The following CLSTN2 variants were observed in gnomAD, a reference collection of about 807,000 sequenced individuals.
CLSTN2 encodes calsyntenin-2.
In CLSTN2, 48 loss-of-function variants were observed where a neutral mutation model predicts 101.2. That is an observed-to-expected ratio of 0.47 (90% CI 0.38 to 0.60). The LOEUF is 0.60. CLSTN2 is among the 20% of genes least tolerant of loss of function. The pLI, the probability that CLSTN2 is intolerant of heterozygous loss-of-function variation, is 0.00. For missense variants in CLSTN2, 1,160 were observed against 1,238.2 expected (o/e 0.94, Z 0.95); for synonymous variants, 481 against 463.6 (o/e 1.04, Z -0.48).
chr3:140,084,396 A>G (rs940862277), intron 1 of CLSTN2, among the ~76,000 whole-genome samples: 5 of 152,068 alleles, frequency 3.3e-5, no homozygotes, highest in African/African-American at 1.2e-4. Context: ...AAAGACCTTA[A>G]CCCCCTGTAT....
At chr3:140,044,959 G>T (rs372271400) in intron 1 of CLSTN2, among the ~76,000 whole-genome samples, 1 of 152,216 alleles carries the variant, frequency 6.6e-6, no homozygotes, top group Non-Finnish European at 1.5e-5. Flanking sequence ...TTTTTGCATC[G>T]ATGTTCATCA....
intron 2 of CLSTN2, among the ~76,000 whole-genome samples, chr3:140,189,686 TTTTTGTATAAAGTAAAACAC>T (rs1330753903): frequency 6.6e-6 from 1 of 152,222 alleles, no homozygotes; most frequent in Non-Finnish European, 1.5e-5. Context: ...AATATTTTAA[TTTTTGTATAAAGTAAAACAC>T]TTTTGTATAA....
intron 1 of CLSTN2, among the ~76,000 whole-genome samples, chr3:139,997,723 AT>A (rs2006711465): frequency 6.6e-6 from 1 of 152,166 alleles, no homozygotes; most frequent in South Asian, 2.1e-4. Context: ...TCAAATGTAC[AT>A]TTTCAAATAT....
intron 2 of CLSTN2, among the ~76,000 whole-genome samples, chr3:140,397,081 T>G (rs1334698296): frequency 1.3e-5 from 2 of 152,022 alleles, no homozygotes; most frequent in East Asian, 1.9e-4. Flanking sequence ...ACTCAATACA[T>G]ATTAACACAA....
At chr3:140,202,787 G>T (rs1369993753) in intron 2 of CLSTN2, among the ~76,000 whole-genome samples, 1 of 152,166 alleles carries the variant, frequency 6.6e-6, no homozygotes, top group Non-Finnish European at 1.5e-5. Flanking sequence ...GCAAAGTAAA[G>T]ACAGTATAGA....
chr3:140,156,971 G>T (rs1411817595), intron 1 of CLSTN2, among the ~76,000 whole-genome samples: 1 of 152,058 alleles, frequency 6.6e-6, no homozygotes, highest in East Asian at 1.9e-4. Context: ...AGAAGTAAAG[G>T]CTCTTTTGAA....
At chr3:140,244,045 G>A (rs2086493991) in intron 2 of CLSTN2, among the ~76,000 whole-genome samples, 1 of 152,190 alleles carries the variant, frequency 6.6e-6, no homozygotes, top group South Asian at 2.1e-4. Context: ...TGACAGAAGT[G>A]CCTGAGGTAA....
chr3:140,063,588 A>G (rs2008247274), intron 1 of CLSTN2, among the ~76,000 whole-genome samples: 1 of 152,230 alleles, frequency 6.6e-6, no homozygotes, highest in African/African-American at 2.4e-5. Flanking sequence ...CAGAGTGTGG[A>G]AAATAAATCT....
At chr3:140,300,653 G>A (rs4327349) in intron 2 of CLSTN2, among the ~76,000 whole-genome samples, 52,649 of 151,936 alleles carry the variant, frequency 0.35, 10,617 homozygotes, top group Non-Finnish European at 0.47. Context: ...CCCATGAAAG[G>A]CTGAGTAATG....
Position 140,566,206 on chromosome 3 carries a change from GC to G in CLSTN2, c.2823del (p.Arg942GlyfsTer31). Reference protein sequence around the residue: ...MGRGRHGQNGARQAQLEWDDS... With the variant: ...MGRGRHGQNGXRQAQLEWDDS... ...CAGAGGCAGACATGGGCAGAATGGA[GC>G]CAGGCAAGCCCAGCTGGAGTGGGAT... On this transcript the variant is annotated frameshift_variant, in exon 17 of 17. Transcript: ENST00000458420. LOFTEE classifies it high-confidence loss of function. 1 of 1,598,180 alleles carries G rather than the reference GC, an allele frequency of 6.3e-7. No individual in the cohort carries two copies. Among genetic ancestry groups the G allele is most frequent in the Non-Finnish European group, 8.5e-7 (1 of 1,171,886 alleles).
chr3:140,321,274 C>A (rs2087280920), intron 2 of CLSTN2, among the ~76,000 whole-genome samples: 1 of 152,174 alleles, frequency 6.6e-6, no homozygotes, highest in Admixed American at 6.5e-5. Flanking sequence ...CAGAGTAAAT[C>A]TAACCCCATG....
rs147655056 is a variant in CLSTN2, at chr3:139,957,237, C to T, written c.109+21754C>T. 9.2e-5 allele frequency among the ~76,000 whole-genome samples: 14 copies of T among 152,124 alleles called. No homozygotes were observed. The East Asian group carries it at 2.5e-3, about 27-fold the overall frequency. ...CTCATCTCTGCCACACCTGACACTTCGAGCTCAGGAAGAAATCAGGTGATT... is the reference window on the plus strand; with the variant it reads ...CTCATCTCTGCCACACCTGACACTTTGAGCTCAGGAAGAAATCAGGTGATT... On this transcript the variant is annotated intron_variant, in intron 1 of 16. Transcript: ENST00000458420.
intron 2 of CLSTN2, among the ~76,000 whole-genome samples, chr3:140,178,341 TC>T (rs1449103213): frequency 6.6e-6 from 1 of 152,206 alleles, no homozygotes; most frequent in East Asian, 1.9e-4. Flanking sequence ...AAATGTTTCA[TC>T]TGAAGACTCA....
intron 1 of CLSTN2, among the ~76,000 whole-genome samples, chr3:139,998,558 A>G (rs1466723766): frequency 6.6e-6 from 1 of 151,226 alleles, no homozygotes; most frequent in Non-Finnish European, 1.5e-5. Context: ...GTTTGCCAGG[A>G]TGGTCTCTAT....
intron 8 of CLSTN2, chr3:140,507,388 A>C (rs2107765652): frequency 6.6e-6 from 1 of 152,324 alleles, no homozygotes; most frequent in South Asian, 2.1e-4. Flanking sequence ...CGGGTTCCAC[A>C]GCCTCAACAT....
intron 1 of CLSTN2, among the ~76,000 whole-genome samples, chr3:140,092,746 G>A (rs1349269205): frequency 2.6e-5 from 4 of 152,142 alleles, no homozygotes; most frequent in Admixed American, 6.5e-5. Context: ...GGAGTTCCAC[G>A]AACAATGAAA....
chr3:140,490,631 T>C (rs1252632672), intron 8 of CLSTN2, among the ~76,000 whole-genome samples: 1 of 148,518 alleles, frequency 6.7e-6, no homozygotes, highest in African/African-American at 2.5e-5. Context: ...GCACATCCAC[T>C]GGGACTATGT....
chr3:140,482,464 GA>G (rs1463290710), intron 8 of CLSTN2, among the ~76,000 whole-genome samples: 39 of 152,294 alleles, frequency 2.6e-4, no homozygotes, highest in Admixed American at 2.0e-4. Context: ...CTCATAAAAT[GA>G]GTTAGGGAGG....
chr3:139,973,861 A>T (rs1385386963), intron 1 of CLSTN2, among the ~76,000 whole-genome samples: 1 of 152,038 alleles, frequency 6.6e-6, no homozygotes, highest in Non-Finnish European at 1.5e-5. Flanking sequence ...GCTGGTCCCA[A>T]ACTCTTGGGA....
Sources: allele counts gnomAD v4.1 joint callset (sites outside exome capture counted in the v4.1 genomes callset), GRCh38; gene constraint gnomAD v4.1.1; transcripts MANE v1.5; gene names NCBI Gene and HGNC (gene_info 2026-07-23, HGNC 2026-07-21).